Variants in ZNF687 observed in about 807,000 individuals in gnomAD.
The protein encoded by ZNF687 is zinc finger protein 687.
ZNF687 carries 13 observed loss-of-function variants against 71.8 expected under a neutral mutation model. That is an observed-to-expected ratio of 0.18 (90% CI 0.12 to 0.29). ZNF687 has a LOEUF of 0.29. Among genes scored for constraint, ZNF687 ranks in the 10% least tolerant of loss-of-function variants. The probability of loss-of-function intolerance (pLI) is 1.00; values close to 1 mark genes in which losing one functional copy is unlikely to be tolerated. For synonymous variants in ZNF687, 673 were observed against 641.6 expected, an observed-to-expected ratio of 1.05 and a Z score of -0.74; for missense variants, 1,412 against 1,625.6, an observed-to-expected ratio of 0.87 and a Z score of 2.26.
Position 151,289,788 on chromosome 1 carries a change from A to G in ZNF687, c.2745A>G (p.Ala915=), listed in dbSNP as rs770014280. ...PEELAVSQGG[A]APATEESSSS... Reference sequence around the variant, plus strand: ...AGCTGGCTGTTTCTCAGGGAGGGGCAGCCCCTGCTACTGAGGAGTCGTCTT... The same window carrying G: ...AGCTGGCTGTTTCTCAGGGAGGGGCGGCCCCTGCTACTGAGGAGTCGTCTT... The change falls in exon 6 of 9, where the codon GCA becomes GCG. Residue 915 remains alanine (A), a synonymous_variant. Coordinates refer to ENST00000336715, the MANE Select transcript of ZNF687 (RefSeq NM_020832.3). 7.0e-6 allele frequency: 11 copies of G among 1,563,322 alleles called. No individual in the cohort carries two copies. The highest frequency in any genetic ancestry group is 9.5e-6 in the Non-Finnish European group (11 of 1,153,376).
intron 5 of ZNF687, 28 bp from the exon 6 acceptor site, chr1:151,289,650 C>T (rs773529408): frequency 1.3e-6 from 2 of 1,590,252 alleles, no homozygotes; most frequent in Non-Finnish European, 1.7e-6. Context: ...TCCCCCACAA[C>T]AGCAACCTCC....
chr1:151,287,394 C>G lies in ZNF687; in HGVS notation c.1103C>G (p.Ala368Gly). 6.2e-7 allele frequency: 1 copy of G among 1,614,208 alleles called. No individual in the cohort carries two copies. ...PLAEGAFLAE[A>G]SLLKLSPATP... is the part of the protein sequence containing the mutation. Reference sequence around the variant, plus strand: ...GCTGAGGGGGCCTTCTTGGCTGAGGCTAGCCTCTTGAAGCTGTCCCCTGCA... The same window carrying G: ...GCTGAGGGGGCCTTCTTGGCTGAGGGTAGCCTCTTGAAGCTGTCCCCTGCA... Residue 368 changes from alanine (A) to glycine (G), a missense_variant, in exon 2 of 9, where the codon GCT becomes GGT. Physicochemically the swap from Ala to Gly is moderately conservative, Grantham distance 60. Coordinates refer to ENST00000336715, the MANE Select transcript of ZNF687 (RefSeq NM_020832.3). The surrounding 1 kb of genome is among the most constrained non-coding windows in gnomAD (Gnocchi z 5.0).
chr1:151,286,928 G>A lies in ZNF687; in HGVS notation c.637G>A (p.Val213Ile), dbSNP rs748367365. The A allele has an allele frequency of 1.2e-6, 2 of 1,612,630 alleles. No homozygotes were observed. The highest frequency in any genetic ancestry group is 1.7e-5 in the Admixed American group (1 of 59,892). Residue 213 changes from valine (V) to isoleucine (I), a missense_variant, in exon 2 of 9, where the codon GTT becomes ATT. Physicochemically the swap from Val to Ile is conservative, Grantham distance 29 (BLOSUM62 3). This residue lies in a region of ZNF687 where 490 missense variants were observed against 489.9 expected (regional missense o/e 1.00). Transcript: ENST00000336715. ...QENGPGMQPP[V>I]SSPPLGALKQ... ...GAATGGCCCAGGCATGCAGCCACCTGTTTCTTCCCCACCATTGGGGGCCTT... is the reference window on the plus strand; with the variant it reads ...GAATGGCCCAGGCATGCAGCCACCTATTTCTTCCCCACCATTGGGGGCCTT...
chr1:151,283,975 A>AT, intron 1 of ZNF687: 2 of 985,450 alleles, frequency 2.0e-6, no homozygotes, highest in Non-Finnish European at 2.4e-6. Flanking sequence ...AGAAACACTC[A>AT]TGGGGAGACA....
At position 151,291,478 on chromosome 1, in the gene ZNF687, C is replaced by T; in HGVS notation, c.*269C>T. The T allele has an allele frequency of 2.5e-6, 1 of 399,998 alleles. No individual in the cohort carries two copies. Among genetic ancestry groups the T allele is most frequent in the Non-Finnish European group, 4.5e-6 (1 of 220,162 alleles). The allele number at this position is 399,998 out of a possible 1,614,324, so 24.8% of individuals were successfully genotyped here. The stretch of plus-strand genomic sequence containing the variant: ...ATTTTATGCTCCTGCTGCAGAACCC[C>T]CAGTGTGGGCCTGGGGGTGGGAGGA... On this transcript the variant is annotated 3_prime_UTR_variant, in exon 9 of 9. Coordinates refer to ENST00000336715, the MANE Select transcript of ZNF687 (RefSeq NM_020832.3).
Position 151,286,496 on chromosome 1 carries a change from G to T in ZNF687, c.205G>T (p.Ala69Ser), listed in dbSNP as rs957035993. ...GGATGGCCCTGGAGTTCCAGCCCAG[G>T]CCTCTGACCATGGCCTGCCACCGCC... The part of the protein sequence containing the change: ...AGDGPGVPAQ[A>S]SDHGLPPPDI... Residue 69 changes from alanine (A) to serine (S), a missense_variant, in exon 2 of 9, where the codon GCC becomes TCC. Transcript: ENST00000336715. 1 of 1,614,114 alleles carries T rather than the reference G, an allele frequency of 6.2e-7. No individual in the cohort carries two copies. The highest frequency in any genetic ancestry group is 2.2e-5 in the East Asian group (1 of 44,868).
chr1:151,282,240 G>T (rs1693739811), upstream of ZNF687: 3 of 1,023,686 alleles, frequency 2.9e-6, no homozygotes, highest in Non-Finnish European at 3.6e-6. Flanking sequence ...AAAACGGGCA[G>T]CCCAGACCTG....
Position 151,288,267 on chromosome 1 carries a change from C to A in ZNF687, c.1976C>A (p.Thr659Lys). The A allele has an allele frequency of 6.2e-7, 1 of 1,613,720 alleles. No individual in the cohort carries two copies. The highest frequency in any genetic ancestry group is 8.5e-7 in the Non-Finnish European group (1 of 1,180,006). The change falls in exon 2 of 9, where the codon ACA (threonine) becomes AAA (lysine). Residue 659 changes from threonine (T) to lysine (K), a missense_variant. By Grantham distance (78) the Thr-to-Lys change is moderately conservative. Around this residue, in one of 8 missense-constraint regions of ZNF687, gnomAD observed 207 missense variants for 239.2 expected, o/e 0.87. Transcript: ENST00000336715. ...AAEAPVLPLSTEPPAAPATSA... is the reference protein window; with the variant it reads ...AAEAPVLPLSKEPPAAPATSA... ...GAGGCCCCTGTCCTGCCGCTCTCCA[C>A]AGAGCCGCCTGCTGCCCCGGCCACC...
At position 151,288,684 on chromosome 1, in the gene ZNF687, G is replaced by A. The variant is rs1026383233; in HGVS notation, c.2272G>A (p.Val758Ile). Residue 758 changes from valine (V) to isoleucine (I), a missense_variant, in exon 3 of 9, where the codon GTC becomes ATC. Transcript: ENST00000336715. ...CCATCTCCGGGAGGCCTGTCTGCAC[G>A]TCTCTCGCCGTGTAGGATACAGGTG... ...QTHLREACLH[V>I]SRRVGYRCPS... 3.1e-6 allele frequency: 5 copies of A among 1,613,356 alleles called. No individual in the cohort carries two copies. The highest frequency in any genetic ancestry group is 2.2e-5 in the South Asian group (2 of 90,962).
At chr1:151,282,240 G>A (rs1693739811), upstream of ZNF687, 11 of 1,023,570 alleles carry the variant, frequency 1.1e-5, no homozygotes, top group African/African-American at 1.7e-5. Context: ...AAAACGGGCA[G>A]CCCAGACCTG....
chr1:151,283,407 GC>G, intron 1 of ZNF687: 1 of 727,654 alleles, frequency 1.4e-6, no homozygotes, highest in Non-Finnish European at 1.7e-6. Context: ...GGGAAAGGGG[GC>G]GGGGGAGATA....
At chr1:151,283,878 G>A in intron 1 of ZNF687, 7 of 985,410 alleles carry the variant, frequency 7.1e-6, no homozygotes, top group Non-Finnish European at 7.2e-6. Flanking sequence ...AGACTGGAGA[G>A]AGGTGGGAGA....
rs926894654 is a variant in ZNF687 at position 151,289,037 on chromosome 1, C to T, written c.2295-58C>T. On this transcript the variant is annotated intron_variant, in intron 3 of 8. Transcript: ENST00000336715. ...GTCCCAGAGAATAAATGTATGGTCC[C>T]GGGGTGGGCATGGAGATGCCTCCCA... The T allele has an allele frequency of 3.7e-5, 58 of 1,553,922 alleles. 1 individual carries two copies. The highest frequency in any genetic ancestry group is 3.4e-4 in the Middle Eastern group (2 of 5,908).
In ZNF687 at chr1:151,287,263, C is replaced by A. The variant is rs754866564; in HGVS notation, c.972C>A (p.Ser324=). Reference sequence around the variant, plus strand: ...GCAATGACTCCCCTGCCTCCAGCTCCTCTAGGCCTCTTAAGGTGCGGATCA... The same window carrying A: ...GCAATGACTCCCCTGCCTCCAGCTCATCTAGGCCTCTTAAGGTGCGGATCA... ...EDSNDSPASS[S]SRPLKVRIKT... The change falls in exon 2 of 9, where the codon TCC becomes TCA. Residue 324 remains serine, a synonymous_variant. Coordinates refer to ENST00000336715, the MANE Select transcript of ZNF687 (RefSeq NM_020832.3). This position sits in a 1 kb window ranked among gnomAD's most constrained non-coding sequence, Gnocchi z 5.0. 1 of 1,614,198 alleles carries A rather than the reference C, an allele frequency of 6.2e-7. No individual in the cohort carries two copies. The highest frequency in any genetic ancestry group is 1.7e-5 in the Admixed American group (1 of 60,026).
chr1:151,283,238 C>T, intron 1 of ZNF687: 1 of 985,454 alleles, frequency 1.0e-6, no homozygotes, highest in Non-Finnish European at 1.2e-6. Context: ...TTAATTCCGT[C>T]TGCTACCCAG....
At chr1:151,288,469 T>C in intron 2 of ZNF687, 59 bp from the exon 3 acceptor site, 1 of 1,579,516 alleles carries the variant, frequency 6.3e-7, no homozygotes. Context: ...GGGGCTTGGT[T>C]AGAAGTAATG....
In ZNF687 at chr1:151,290,681, G is replaced by C. The variant is rs1267427877; in HGVS notation, c.3220-34G>C. 8 of 1,582,106 alleles carry C rather than the reference G, an allele frequency of 5.1e-6. No homozygotes were observed. The Admixed American group carries it at 7.0e-5, about 14-fold the overall frequency. On this transcript the variant is annotated intron_variant, in intron 8 of 8. Coordinates refer to ENST00000336715, the MANE Select transcript of ZNF687 (RefSeq NM_020832.3). ...GGGGGTGCCAGGGACAGTAGGGGTG[G>C]TGGTAAGGCCCAGTTTCTTCCACTT...
upstream of ZNF687, chr1:151,281,960 C>G (rs369920113): frequency 1.2e-5 from 14 of 1,181,424 alleles, no homozygotes; most frequent in Admixed American, 3.2e-5. Context: ...GGGTGCTCCC[C>G]CTTCCAGTAG....
At chr1:151,281,982 A>G (rs587725874), upstream of ZNF687, 5 of 1,218,940 alleles carry the variant, frequency 4.1e-6, no homozygotes, top group Non-Finnish European at 3.2e-6. Flanking sequence ...CAAGCTGGGA[A>G]GCAGGCTGGC....
Sources: gnomAD v4.1 joint callset for allele counts on GRCh38, gnomAD v4.1.1 for gene constraint, gnomAD v4.1.1 regional missense constraint, Gnocchi (gnomAD v3.1) non-coding constraint, MANE v1.5 for transcripts, NCBI Gene and HGNC (gene_info 2026-07-23, HGNC 2026-07-21) for gene names.